Variants in NWD2 observed in about 807,000 individuals in gnomAD.
The protein encoded by NWD2 is NACHT and WD repeat domain containing 2, also known as NACHT and WD repeat domain-containing protein 2.
NWD2 carries 37 observed loss-of-function variants against 132.7 expected under a neutral mutation model. That is an observed-to-expected ratio of 0.28 (90% CI 0.21 to 0.37). NWD2 has a LOEUF of 0.37. Ranked by LOEUF, NWD2 falls within the 10% of genes least tolerant of loss-of-function variation. The probability of loss-of-function intolerance (pLI) is 1.00; values close to 1 mark genes in which losing one functional copy is unlikely to be tolerated. For synonymous variants in NWD2, 705 were observed against 803.0 expected (o/e 0.88, Z 2.06); for missense variants, 1,592 against 2,122.4 (o/e 0.75, Z 4.91).
chr4:37,287,213 C>G lies in NWD2; in HGVS notation c.152-38723C>G, dbSNP rs73807472. Reference sequence around the variant, plus strand: ...TGCTACCGGGGCCTAGGGTCCCAACCCTGGAGCTGCTCAGATTCTCAACAG... The same window carrying G: ...TGCTACCGGGGCCTAGGGTCCCAACGCTGGAGCTGCTCAGATTCTCAACAG... On this transcript the variant is annotated intron_variant, in intron 1 of 6. Transcript: ENST00000309447. Among the ~76,000 whole-genome samples the G allele has an allele frequency of 4.6e-3, 695 of 152,336 alleles. 7 individuals are homozygous for G. Among genetic ancestry groups the G allele is most frequent in the African/African-American group, 0.016 (670 of 41,590 alleles).
In NWD2 at chr4:37,294,416, C is replaced by T. The variant is rs182513895; in HGVS notation, c.152-31520C>T. On this transcript the variant is annotated intron_variant, in intron 1 of 6. Coordinates refer to ENST00000309447, the MANE Select transcript of NWD2 (RefSeq NM_001144990.2). ...AAGCCCCACCCATGTTCTCATTTCC[C>T]GCCCCTGTAGGACTACATGCTGACT... Among the ~76,000 whole-genome samples the T allele has an allele frequency of 1.3e-3, 197 of 152,246 alleles. 1 individual carries two copies. Among genetic ancestry groups the T allele is most frequent in the Non-Finnish European group, 2.2e-3 (147 of 68,020 alleles).
intron 3 of NWD2, among the ~76,000 whole-genome samples, chr4:37,389,331 C>T (rs993373717): frequency 1.3e-5 from 2 of 152,080 alleles, no homozygotes; most frequent in Admixed American, 6.5e-5. Flanking sequence ...AAAGAAAATC[C>T]AATCTTCTCC....
chr4:37,342,237 G>A (rs929392486), intron 2 of NWD2, among the ~76,000 whole-genome samples: 3 of 152,068 alleles, frequency 2.0e-5, no homozygotes, highest in African/African-American at 7.2e-5. Flanking sequence ...AGGAGATCTG[G>A]CTATTTAAAG....
rs1014899262 is a variant in NWD2, at chr4:37,449,303, T to A, written c.*2086T>A. On this transcript the variant is annotated 3_prime_UTR_variant, in exon 7 of 7. Transcript: ENST00000309447. ...TGAATGTTTTTATGTAAACTTTGTA[T>A]CGTTGGGAAGAATTACCCAATCAGA... 1 of 152,232 alleles carries A rather than the reference T, an allele frequency of 6.6e-6. No individual in the cohort carries two copies. The highest frequency in any genetic ancestry group is 1.5e-5 in the Non-Finnish European group (1 of 68,032). The allele number at this position is 152,232 out of a possible 1,614,324, so 9.4% of individuals were successfully genotyped here.
intron 1 of NWD2, among the ~76,000 whole-genome samples, chr4:37,314,200 G>A (rs946661679): frequency 6.6e-6 from 1 of 152,148 alleles, no homozygotes; most frequent in African/African-American, 2.4e-5. Flanking sequence ...CTAATAGTTT[G>A]TTAAGGACTT....
Position 37,245,178 on chromosome 4 carries a change from C to G in NWD2, c.111C>G (p.Ala37=), listed in dbSNP as rs907824345. Residue 37 remains alanine (A), a synonymous_variant, in exon 1 of 7, where the codon GCC becomes GCG. Coordinates refer to ENST00000309447, the MANE Select transcript of NWD2 (RefSeq NM_001144990.2). ...CCCTGCCCTCTCACCTCGTGCCCGCCGGCCGCAGCGTCCGGGTCTTCATCA... is the reference window on the plus strand; with the variant it reads ...CCCTGCCCTCTCACCTCGTGCCCGCGGGCCGCAGCGTCCGGGTCTTCATCA... ...LTALPSHLVP[A]GRSVRVFISA... 1 of 1,544,408 alleles carries G rather than the reference C, an allele frequency of 6.5e-7. No individual in the cohort carries two copies. The highest frequency in any genetic ancestry group is 8.7e-7 in the Non-Finnish European group (1 of 1,146,124).
chr4:37,438,298 A>G (rs985172779), intron 5 of NWD2, among the ~76,000 whole-genome samples: 1 of 152,084 alleles, frequency 6.6e-6, no homozygotes, highest in Non-Finnish European at 1.5e-5. Context: ...TTGCTTTTAT[A>G]TTGATATTTG....
At chr4:37,268,465 TA>T (rs1717803228) in intron 1 of NWD2, among the ~76,000 whole-genome samples, 1 of 151,934 alleles carries the variant, frequency 6.6e-6, no homozygotes, top group South Asian at 2.1e-4. Context: ...TGTTAACTAA[TA>T]AAGAAAGAAC....
At chr4:37,390,872 G>A (rs1264820350) in intron 3 of NWD2, among the ~76,000 whole-genome samples, 1 of 152,180 alleles carries the variant, frequency 6.6e-6, no homozygotes, top group Non-Finnish European at 1.5e-5. Flanking sequence ...GAAAGGGAAA[G>A]GGAGACAAAA....
intron 1 of NWD2, among the ~76,000 whole-genome samples, chr4:37,280,215 A>G (rs1238137124): frequency 6.6e-6 from 1 of 152,240 alleles, no homozygotes; most frequent in Non-Finnish European, 1.5e-5. Flanking sequence ...ACTTCTAAAT[A>G]AAAACCAAAA....
chr4:37,371,072 C>CT (rs1309185055), intron 3 of NWD2, among the ~76,000 whole-genome samples: 45,846 of 96,922 alleles, frequency 0.47, 10,202 homozygotes, highest in Non-Finnish European at 0.56. Context: ...ATTTTTTTTT[C>CT]TTTTTCTTTT....
chr4:37,248,453 A>C (rs1170567478), intron 1 of NWD2, among the ~76,000 whole-genome samples: 1 of 152,180 alleles, frequency 6.6e-6, no homozygotes, highest in Non-Finnish European at 1.5e-5. Flanking sequence ...AGGTGATAGC[A>C]TTATCCCAGA....
intron 1 of NWD2, among the ~76,000 whole-genome samples, chr4:37,305,090 C>T (rs775537031): frequency 2.6e-5 from 4 of 152,348 alleles, no homozygotes; most frequent in Non-Finnish European, 4.4e-5. Flanking sequence ...CTCAACGCTA[C>T]GTGGAAGTTG....
At chr4:37,291,119 C>G (rs566594910) in intron 1 of NWD2, among the ~76,000 whole-genome samples, 9 of 152,216 alleles carry the variant, frequency 5.9e-5, no homozygotes, top group Admixed American at 2.0e-4. Context: ...CAGTGATAAC[C>G]ACACTCACTA....
intron 1 of NWD2, among the ~76,000 whole-genome samples, chr4:37,262,542 G>C (rs758902356): frequency 8.5e-5 from 13 of 152,134 alleles, no homozygotes; most frequent in Non-Finnish European, 1.9e-4. Context: ...TTTTCTAGTA[G>C]CTGTGTTAAA....
intron 1 of NWD2, among the ~76,000 whole-genome samples, chr4:37,296,900 C>T (rs574233470): frequency 9.8e-5 from 15 of 152,298 alleles, no homozygotes; most frequent in African/African-American, 3.1e-4. Context: ...CCCTGTATTT[C>T]TCCCAGGAGT....
Position 37,439,454 on chromosome 4 carries a change from A to G in NWD2, c.1296+64A>G. On this transcript the variant is annotated intron_variant, in intron 6 of 6. Coordinates refer to ENST00000309447, the MANE Select transcript of NWD2 (RefSeq NM_001144990.2). This position sits in a 1 kb window ranked among gnomAD's most constrained non-coding sequence, Gnocchi z 4.5. ...TTGTACTTTTGGAAAATGGTAAATT[A>G]ATCAAATTCATTTCTACTTTCTGAG... 1 of 1,095,378 alleles carries G rather than the reference A, an allele frequency of 9.1e-7. No homozygotes were observed. The highest frequency in any genetic ancestry group is 1.3e-6 in the Non-Finnish European group (1 of 794,176). 67.9% of individuals were successfully genotyped at this position (1,095,378 alleles called of 1,614,324 possible).
chr4:37,284,389 C>A (rs1433806728), intron 1 of NWD2, among the ~76,000 whole-genome samples: 1 of 152,176 alleles, frequency 6.6e-6, no homozygotes, highest in Non-Finnish European at 1.5e-5. Flanking sequence ...AGGATTTGAA[C>A]ATATGAATTT....
chr4:37,363,182 A>T (rs1267510102), intron 3 of NWD2, among the ~76,000 whole-genome samples: 2 of 152,184 alleles, frequency 1.3e-5, no homozygotes, highest in Non-Finnish European at 2.9e-5. Context: ...TGTAGGGAAA[A>T]GGGAAAGATT....
Sources: allele counts gnomAD v4.1 joint callset (sites outside exome capture counted in the v4.1 genomes callset), GRCh38; gene constraint gnomAD v4.1.1; non-coding constraint Gnocchi (gnomAD v3.1); transcripts MANE v1.5; gene names NCBI Gene and HGNC (gene_info 2026-07-23, HGNC 2026-07-21).